TANC1: variants seen among roughly 807,000 people sequenced by gnomAD.
TANC1 encodes protein TANC1.
Under a neutral mutation model 149.7 loss-of-function variants are expected in TANC1, and 77 were observed. The ratio of observed to expected loss-of-function variants is 0.51; its 90% confidence interval spans 0.43 to 0.62. The LOEUF (loss-of-function observed/expected upper bound fraction) is 0.62, where lower values mean the gene tolerates loss of function less well. TANC1 is among the 20% of genes least tolerant of loss of function. TANC1 has a pLI of 0.00. For missense variants in TANC1, 1,985 were observed against 2,321.8 expected (o/e 0.85, Z 2.98); for synonymous variants, 854 against 925.0 (o/e 0.92, Z 1.39).
intron 4 of TANC1, among the ~76,000 whole-genome samples, chr2:159,106,467 C>A (rs1377749255): frequency 1.3e-5 from 2 of 152,120 alleles, no homozygotes; most frequent in Admixed American, 6.5e-5. Flanking sequence ...TGTCTAGGTT[C>A]ATCCAAGTTG....
intron 2 of TANC1, chr2:159,055,955 G>T: frequency 4.4e-6 from 1 of 226,040 alleles, no homozygotes. Context: ...CCTAGGGACG[G>T]ATGAAACAAA....
At chr2:159,136,061 C>A in intron 4 of TANC1, 133 bp from the exon 5 acceptor site, 2 of 468,366 alleles carry the variant, frequency 4.3e-6, no homozygotes, top group South Asian at 2.8e-5. Flanking sequence ...CGCGCGCGCG[C>A]GTTTAAGGGA....
Position 159,232,600 on chromosome 2 carries a change from T to C in TANC1, c.*1588T>C, listed in dbSNP as rs961909802. The stretch of plus-strand genomic sequence containing the variant: ...ATTTGTGAAAGTCTTACTCCTTTGT[T>C]AGTTTTGTTTCTGCACAACTACTGT... On this transcript the variant is annotated 3_prime_UTR_variant, in exon 27 of 27. Coordinates refer to ENST00000263635, the MANE Select transcript of TANC1 (RefSeq NM_033394.3). 6.6e-6 allele frequency: 1 copy of C among 152,634 alleles called. No individual in the cohort carries two copies. Among genetic ancestry groups the C allele is most frequent in the Admixed American group, 6.5e-5 (1 of 15,284 alleles). The allele number at this position is 152,634 out of a possible 1,614,324, so 9.5% of individuals were successfully genotyped here. A position where few individuals can be genotyped will look rare whatever the true frequency, so the allele number is the denominator to read the frequency against.
At chr2:159,201,622 A>C (rs982415500) in intron 19 of TANC1, among the ~76,000 whole-genome samples, 2 of 152,210 alleles carry the variant, frequency 1.3e-5, no homozygotes, top group African/African-American at 4.8e-5. Flanking sequence ...TTTTGTGTCC[A>C]AAACACTCTA....
chr2:159,029,214 A>T (rs1359614817), intron 2 of TANC1, among the ~76,000 whole-genome samples: 1 of 152,194 alleles, frequency 6.6e-6, no homozygotes. Flanking sequence ...CATTATGTGT[A>T]TATATCACAT....
rs73967254 is a variant in TANC1 at position 159,228,776 on chromosome 2, G to A, written c.4051-20G>A. 6.3e-3 allele frequency: 9,994 copies of A among 1,594,568 alleles called. 334 individuals are homozygous for A. In the African/African-American group the frequency reaches 0.09, roughly 14 times the overall value. On this transcript the variant is annotated intron_variant, in intron 25 of 26. Coordinates refer to ENST00000263635, the MANE Select transcript of TANC1 (RefSeq NM_033394.3). ...TGTGTCCAGGCTGCTTCTGACTCCTGTATTTCTTGTCGACACCAGGACTTT... is the reference window on the plus strand; with the variant it reads ...TGTGTCCAGGCTGCTTCTGACTCCTATATTTCTTGTCGACACCAGGACTTT...
At chr2:159,110,919 T>A (rs762412644) in intron 4 of TANC1, among the ~76,000 whole-genome samples, 4 of 152,210 alleles carry the variant, frequency 2.6e-5, no homozygotes, top group South Asian at 2.1e-4. Flanking sequence ...CGGGGCTTTG[T>A]TCCCTGGGAA....
chr2:159,021,638 A>G (rs982103463), intron 2 of TANC1, among the ~76,000 whole-genome samples: 9 of 152,192 alleles, frequency 5.9e-5, no homozygotes, highest in African/African-American at 1.7e-4. Context: ...AAAGAAAGAA[A>G]GAAAGAAAAA....
chr2:159,188,326 A>G (rs573502545), intron 16 of TANC1, among the ~76,000 whole-genome samples: 1 of 152,364 alleles, frequency 6.6e-6, no homozygotes, highest in South Asian at 2.1e-4. Flanking sequence ...ACTTTGGTAA[A>G]TTAAAGTGAC....
intron 2 of TANC1, among the ~76,000 whole-genome samples, chr2:159,045,637 A>C (rs264575): frequency 0.21 from 31,842 of 152,058 alleles, 3,752 homozygotes; most frequent in South Asian, 0.46. Context: ...AATAGTCATT[A>C]ATATTTGAGA....
chr2:159,025,166 CTTTCTTTCTTTCTTTTTCTTTCT>C (rs1266475037), intron 2 of TANC1, among the ~76,000 whole-genome samples: 2 of 150,172 alleles, frequency 1.3e-5, no homozygotes, highest in Non-Finnish European at 3.0e-5. Context: ...TTCTCTTTTT[CTTTCTTTCTTTCTTTTTCTTTCT>C]TTTCTTTCTT....
chr2:159,126,252 G>A (rs2049443360), intron 4 of TANC1, among the ~76,000 whole-genome samples: 1 of 152,200 alleles, frequency 6.6e-6, no homozygotes, highest in African/African-American at 2.4e-5. Flanking sequence ...GCAGAATTCA[G>A]GTTTTCCTGC....
intron 11 of TANC1, 23 bp from the exon 12 acceptor site, chr2:159,174,930 C>T: frequency 1.3e-6 from 2 of 1,590,396 alleles, no homozygotes; most frequent in Non-Finnish European, 1.7e-6. Flanking sequence ...TGAGGTGATG[C>T]TGACGGTTCT....
At chr2:158,974,832 A>T (rs1017302967) in intron 1 of TANC1, among the ~76,000 whole-genome samples, 3 of 151,834 alleles carry the variant, frequency 2.0e-5, no homozygotes, top group Non-Finnish European at 4.4e-5. Context: ...TCCTGGACTC[A>T]TGCAATCCTT....
intron 17 of TANC1, among the ~76,000 whole-genome samples, chr2:159,194,754 G>A (rs974980000): frequency 1.3e-5 from 2 of 152,236 alleles, no homozygotes; most frequent in African/African-American, 2.4e-5. Flanking sequence ...CATGAGGAGG[G>A]CCAGCCTTTA....
At chr2:159,115,857 T>C (rs938677786) in intron 4 of TANC1, among the ~76,000 whole-genome samples, 1 of 152,154 alleles carries the variant, frequency 6.6e-6, no homozygotes, top group African/African-American at 2.4e-5. Flanking sequence ...TTCTGAAAGG[T>C]AGAATTTCAG....
intron 3 of TANC1, among the ~76,000 whole-genome samples, chr2:159,092,532 C>T (rs148448271): frequency 1.1e-4 from 17 of 152,296 alleles, no homozygotes; most frequent in East Asian, 1.9e-4. Context: ...CAATTTAAAA[C>T]GCCTTATTGG....
chr2:159,000,358 G>A (rs753906107), intron 1 of TANC1, among the ~76,000 whole-genome samples: 1 of 152,146 alleles, frequency 6.6e-6, no homozygotes, highest in African/African-American at 2.4e-5. Flanking sequence ...TGTTACCTGA[G>A]TAAAATGGGA....
chr2:159,017,006 T>A (rs58697610), intron 2 of TANC1, among the ~76,000 whole-genome samples: 14,762 of 152,002 alleles, frequency 0.097, 737 homozygotes, highest in Non-Finnish European at 0.11. Context: ...TCAGTGATTT[T>A]AAAAAAATTT....
Sources: allele counts gnomAD v4.1 joint callset (sites outside exome capture counted in the v4.1 genomes callset), GRCh38; gene constraint gnomAD v4.1.1; transcripts MANE v1.5; gene names NCBI Gene and HGNC (gene_info 2026-07-23, HGNC 2026-07-21).